CDH18: variants seen among roughly 807,000 people sequenced by gnomAD.
CDH18 encodes cadherin-18.
CDH18 carries 31 observed loss-of-function variants against 67.9 expected under a neutral mutation model. That is an observed-to-expected ratio of 0.46 (90% CI 0.34 to 0.62). The LOEUF is 0.62. Ranked by LOEUF, CDH18 falls within the 20% of genes least tolerant of loss-of-function variation. The pLI, the probability that CDH18 is intolerant of heterozygous loss-of-function variation, is 0.01. For synonymous variants in CDH18, 362 were observed against 347.2 expected (o/e 1.04, Z -0.48); for missense variants, 890 against 975.5 (o/e 0.91, Z 1.17).
At chr5:19,752,555 G>T (rs1037029669) in intron 3 of CDH18, among the ~76,000 whole-genome samples, 1 of 152,018 alleles carries the variant, frequency 6.6e-6, no homozygotes, top group African/African-American at 2.4e-5. Flanking sequence ...GTTCAGACAC[G>T]CCTGGCCCTG....
intron 1 of CDH18, among the ~76,000 whole-genome samples, chr5:20,272,698 G>A (rs1344883543): frequency 6.6e-6 from 1 of 152,096 alleles, no homozygotes; most frequent in East Asian, 1.9e-4. Context: ...AGCTCTGTTT[G>A]ATTCCAAAGT....
upstream of CDH18, among the ~76,000 whole-genome samples, chr5:19,992,304 C>T (rs1561692849): frequency 3.3e-5 from 5 of 151,938 alleles, no homozygotes; most frequent in Admixed American, 1.3e-4. Flanking sequence ...CTATTACACA[C>T]ATATTTTATT....
intron 1 of CDH18, among the ~76,000 whole-genome samples, chr5:20,485,611 TATA>T (rs1272739121): frequency 2.0e-5 from 3 of 151,972 alleles, no homozygotes; most frequent in Non-Finnish European, 4.4e-5. Context: ...AATTTTTTCA[TATA>T]ATGTCTCAAT....
intron 1 of CDH18, among the ~76,000 whole-genome samples, chr5:20,571,330 A>T (rs1287408672): frequency 2.0e-5 from 3 of 152,118 alleles, no homozygotes; most frequent in Non-Finnish European, 4.4e-5. Context: ...ATTTTAGCCC[A>T]TCTCCATTTC....
chr5:19,999,235 C>G (rs12653278), intron 2 of CDH18, among the ~76,000 whole-genome samples: 10,717 of 152,092 alleles, frequency 0.07, 414 homozygotes, highest in East Asian at 0.14. Flanking sequence ...CACACACACA[C>G]ACGCACACAC....
intron 3 of CDH18, among the ~76,000 whole-genome samples, chr5:19,748,135 A>C (rs1770357575): frequency 7.4e-6 from 1 of 135,492 alleles, no homozygotes; most frequent in African/African-American, 2.6e-5. Flanking sequence ...AAAAAAAAAG[A>C]GTACTTTTTT....
chr5:20,533,710 T>C (rs778170876), intron 1 of CDH18, among the ~76,000 whole-genome samples: 1 of 152,124 alleles, frequency 6.6e-6, no homozygotes, highest in Non-Finnish European at 1.5e-5. Context: ...ATAGTTCATT[T>C]ATTATCCTTT....
chr5:20,564,493 G>A (rs1344199156), intron 1 of CDH18, among the ~76,000 whole-genome samples: 3 of 151,824 alleles, frequency 2.0e-5, no homozygotes, highest in African/African-American at 4.8e-5. Flanking sequence ...CTCTGGTTGG[G>A]CCAGGCTGGT....
At position 20,503,519 on chromosome 5, in the gene CDH18, T is replaced by G. The variant is rs953536923; in HGVS notation, c.-580+71943A>C. Among the ~76,000 whole-genome samples the G allele has an allele frequency of 3.3e-5, 5 of 152,274 alleles. No individual in the cohort carries two copies. The East Asian group carries it at 9.7e-4, about 29-fold the overall frequency. On this transcript the variant is annotated intron_variant, in intron 1 of 14. Transcript: ENST00000507958. ...TCCAGAGTCATATTCTTATCAAAGA[T>G]AAAACTTTTTAAACATAAGTATCTC...
chr5:19,577,047 T>C (rs1742433876), intron 7 of CDH18, among the ~76,000 whole-genome samples: 1 of 152,094 alleles, frequency 6.6e-6, no homozygotes, highest in Admixed American at 6.5e-5. Flanking sequence ...GTCAAACTCA[T>C]TTAAGTAGAA....
intron 2 of CDH18, among the ~76,000 whole-genome samples, chr5:20,020,412 A>T (rs1738303047): frequency 6.6e-6 from 1 of 152,026 alleles, no homozygotes; most frequent in Non-Finnish European, 1.5e-5. Context: ...GGCATTTCAG[A>T]GACCTTCATG....
chr5:19,556,263 A>G (rs1738399298), intron 8 of CDH18, among the ~76,000 whole-genome samples: 1 of 152,180 alleles, frequency 6.6e-6, no homozygotes, highest in Non-Finnish European at 1.5e-5. Flanking sequence ...ATGGATCCAA[A>G]CCAAGACTAA....
At chr5:20,124,110 C>G (rs900154903) in intron 2 of CDH18, among the ~76,000 whole-genome samples, 2 of 152,030 alleles carry the variant, frequency 1.3e-5, no homozygotes, top group African/African-American at 4.8e-5. Flanking sequence ...TAGAAACCTC[C>G]AGAGAATACT....
At chr5:20,233,417 TATA>T (rs1742229222) in intron 2 of CDH18, among the ~76,000 whole-genome samples, 1 of 151,932 alleles carries the variant, frequency 6.6e-6, no homozygotes, top group South Asian at 2.1e-4. Flanking sequence ...CTCTGTCATA[TATA>T]ATGATAATCT....
chr5:19,475,199 C>T (rs932183422), intron 12 of CDH18, among the ~76,000 whole-genome samples: 5 of 148,896 alleles, frequency 3.4e-5, no homozygotes, highest in African/African-American at 1.0e-4. Flanking sequence ...ACAGCACACA[C>T]ACACACACAC....
chr5:19,652,614 T>A (rs1483921540), intron 5 of CDH18, among the ~76,000 whole-genome samples: 1 of 152,068 alleles, frequency 6.6e-6, no homozygotes, highest in Non-Finnish European at 1.5e-5. Context: ...TGCAAAACAG[T>A]TGGCCTATAT....
Position 20,406,354 on chromosome 5 carries a change from G to A in CDH18, c.-579-150849C>T, listed in dbSNP as rs895738265. On this transcript the variant is annotated intron_variant, in intron 1 of 14. Coordinates refer to the CDH18 transcript ENST00000507958. ...AAAGACAAAAAACCAAACACCGCAT[G>A]TTCTCACTCATAGGTGGGAATTGAA... Among the ~76,000 whole-genome samples, 7 of 151,694 alleles carry A rather than the reference G, an allele frequency of 4.6e-5. No individual in the cohort carries two copies. In the South Asian group the frequency reaches 6.2e-4, roughly 14 times the overall value.
At chr5:19,845,912 T>C (rs904894536) in intron 2 of CDH18, among the ~76,000 whole-genome samples, 93 of 151,928 alleles carry the variant, frequency 6.1e-4, no homozygotes, top group South Asian at 6.2e-4. Context: ...AAATCTAAAG[T>C]GAGTCTATTG....
intron 2 of CDH18, among the ~76,000 whole-genome samples, chr5:20,027,582 T>C (rs545771471): frequency 6.6e-6 from 1 of 152,168 alleles, no homozygotes; most frequent in Non-Finnish European, 1.5e-5. Context: ...CACCATAGTG[T>C]TTCCCCCATT....
Sources: allele counts gnomAD v4.1 joint callset (sites outside exome capture counted in the v4.1 genomes callset), GRCh38; gene constraint gnomAD v4.1.1; transcripts MANE v1.5; gene names NCBI Gene and HGNC (gene_info 2026-07-23, HGNC 2026-07-21).